ACOT13: variants seen among roughly 807,000 people sequenced by gnomAD.
ACOT13 encodes acyl-CoA thioesterase 13.
A neutral mutation model predicts 11.8 loss-of-function variants in ACOT13; 10 were observed. The observed-to-expected ratio is 0.85, with a 90% confidence interval of 0.53 to 1.44. The LOEUF is 1.44. ACOT13 is among the 40% of genes most tolerant of loss of function. The pLI is 0.00. For missense variants in ACOT13, 172 were observed against 174.1 expected, an observed-to-expected ratio of 0.99 and a Z score of 0.07; for synonymous variants, 53 against 61.0, an observed-to-expected ratio of 0.87 and a Z score of 0.61.
intron 1 of ACOT13, among the ~76,000 whole-genome samples, chr6:24,671,586 A>G (rs1177129424): frequency 1.3e-5 from 2 of 152,234 alleles, no homozygotes; most frequent in Non-Finnish European, 2.9e-5. Flanking sequence ...CGTTGTGCAC[A>G]TGTACCCTAG....
chr6:24,675,248 G>A (rs1292976545), intron 1 of ACOT13, among the ~76,000 whole-genome samples: 4 of 152,202 alleles, frequency 2.6e-5, no homozygotes, highest in Non-Finnish European at 4.4e-5. Context: ...TATATACCCA[G>A]TAATGGGATG....
intron 2 of ACOT13, among the ~76,000 whole-genome samples, chr6:24,698,347 A>G (rs1248832818): frequency 6.6e-6 from 1 of 152,102 alleles, no homozygotes; most frequent in Non-Finnish European, 1.5e-5. Context: ...TGCAGGGGGA[A>G]AAATCACAAA....
chr6:24,675,600 G>GT (rs536784962), intron 1 of ACOT13, among the ~76,000 whole-genome samples: 2,330 of 152,214 alleles, frequency 0.015, 30 homozygotes, highest in Middle Eastern at 0.044. Flanking sequence ...TTGTAAATTT[G>GT]TTTAAGTTCT....
chr6:24,691,642 G>A (rs771993982), intron 1 of ACOT13, among the ~76,000 whole-genome samples: 40 of 152,040 alleles, frequency 2.6e-4, no homozygotes, highest in Non-Finnish European at 4.1e-4. Flanking sequence ...TTTCAATAAA[G>A]ACCTGAGAAA....
At chr6:24,700,128 G>A (rs554054729) in intron 2 of ACOT13, among the ~76,000 whole-genome samples, 2 of 152,100 alleles carry the variant, frequency 1.3e-5, no homozygotes, top group Admixed American at 6.5e-5. Flanking sequence ...CTGTGACTTA[G>A]GTTAAAAACA....
intron 1 of ACOT13, among the ~76,000 whole-genome samples, chr6:24,674,257 C>T (rs1778408964): frequency 1.3e-5 from 2 of 152,294 alleles, no homozygotes; most frequent in South Asian, 2.1e-4. Context: ...CAGGGTTTCA[C>T]CATGTTGATC....
At chr6:24,695,725 ATTTAG>A (rs907364322) in intron 1 of ACOT13, among the ~76,000 whole-genome samples, 2 of 152,168 alleles carry the variant, frequency 1.3e-5, no homozygotes, top group African/African-American at 4.8e-5. Flanking sequence ...GGTGTGTATT[ATTTAG>A]TTTATGAGGA....
chr6:24,679,893 A>T (rs1778519077), intron 1 of ACOT13, among the ~76,000 whole-genome samples: 1 of 152,172 alleles, frequency 6.6e-6, no homozygotes, highest in South Asian at 2.1e-4. Context: ...AATTTGCTTT[A>T]AGTCTGAGAG....
chr6:24,693,432 A>G (rs1778746697), intron 1 of ACOT13, among the ~76,000 whole-genome samples: 1 of 152,324 alleles, frequency 6.6e-6, no homozygotes, highest in Non-Finnish European at 1.5e-5. Flanking sequence ...AGTTACAGTG[A>G]TGGCAGTGGC....
Position 24,698,157 on chromosome 6 carries a change from T to G in ACOT13, c.266+90T>G, listed in dbSNP as rs199826558. On this transcript the variant is annotated intron_variant, in intron 2 of 2. Transcript: ENST00000230048. ...ACACATTTATATTATTAGTAACGCA[T>G]GAGATTCAATTAGCTGCTTATCTCC... 68 of 1,140,704 alleles carry G rather than the reference T, an allele frequency of 6.0e-5. No homozygotes were observed. In the East Asian group the frequency reaches 1.4e-3, roughly 23 times the overall value. 70.7% of individuals were successfully genotyped at this position (1,140,704 alleles called of 1,614,324 possible).
rs1373451314 is a variant in ACOT13 at position 24,704,366 on chromosome 6, AACTT to A, written c.*2752_*2755del. 1.3e-5 allele frequency: 2 copies of A among 152,246 alleles called. No homozygotes were observed. Among genetic ancestry groups the A allele is most frequent in the Non-Finnish European group, 2.9e-5 (2 of 68,036 alleles). The allele number at this position is 152,246 out of a possible 1,614,324, so 9.4% of individuals were successfully genotyped here. A position where few individuals can be genotyped will look rare whatever the true frequency, so the allele number is the denominator to read the frequency against. Reference sequence around the variant, plus strand: ...GTAAACAATGGCTGCCAAAATGCCTAACTTGGTGAACATAAGTGTAATTCAATAT... The same window carrying A: ...GTAAACAATGGCTGCCAAAATGCCTAGGTGAACATAAGTGTAATTCAATAT... On this transcript the variant is annotated 3_prime_UTR_variant, in exon 3 of 3. Transcript: ENST00000230048.
intron 1 of ACOT13, among the ~76,000 whole-genome samples, chr6:24,685,332 CTTTTTTTT>C (rs563020332): frequency 8.6e-6 from 1 of 116,784 alleles, no homozygotes; most frequent in Non-Finnish European, 1.8e-5. Flanking sequence ...TTTTACTGTA[CTTTTTTTT>C]TTTTTTTTTT....
intron 2 of ACOT13, among the ~76,000 whole-genome samples, chr6:24,698,346 A>G (rs1191929298): frequency 1.5e-5 from 2 of 133,034 alleles, no homozygotes; most frequent in Non-Finnish European, 3.0e-5. Flanking sequence ...ATGCAGGGGG[A>G]AAAATCACAA....
chr6:24,689,464 TTAAAAA>T (rs1312067956), intron 1 of ACOT13, among the ~76,000 whole-genome samples: 6 of 151,958 alleles, frequency 3.9e-5, no homozygotes, highest in African/African-American at 7.3e-5. Context: ...TCTAAAAAAA[TTAAAAA>T]TAAATAAATT....
chr6:24,678,524 G>T (rs968340191), intron 1 of ACOT13, among the ~76,000 whole-genome samples: 3 of 152,184 alleles, frequency 2.0e-5, no homozygotes, highest in African/African-American at 7.2e-5. Flanking sequence ...GGTAGGGAAA[G>T]GAGGTAGAAT....
At chr6:24,688,917 G>A (rs1184702645) in intron 1 of ACOT13, among the ~76,000 whole-genome samples, 1 of 152,106 alleles carries the variant, frequency 6.6e-6, no homozygotes, top group Non-Finnish European at 1.5e-5. Flanking sequence ...ACTGTAATAG[G>A]TAAGTAGGCA....
At chr6:24,667,392 A>C in intron 1 of ACOT13, 48 bp downstream of exon 1, 2 of 1,562,728 alleles carry the variant, frequency 1.3e-6, no homozygotes, top group Non-Finnish European at 1.8e-6. Flanking sequence ...GAAGGAAAAG[A>C]AAGCACCGTG....
chr6:24,671,675 C>T (rs1778368876), intron 1 of ACOT13, among the ~76,000 whole-genome samples: 3 of 151,838 alleles, frequency 2.0e-5, no homozygotes, highest in Non-Finnish European at 2.9e-5. Flanking sequence ...CAAAAAACAA[C>T]AACAGCAACA....
At chr6:24,672,017 T>C (rs953400310) in intron 1 of ACOT13, among the ~76,000 whole-genome samples, 1 of 152,226 alleles carries the variant, frequency 6.6e-6, no homozygotes, top group Non-Finnish European at 1.5e-5. Context: ...AATTATGCCA[T>C]TTTTGGACTT....
Sources: gnomAD v4.1 joint callset for allele counts (sites outside exome capture counted in the v4.1 genomes callset) on GRCh38, gnomAD v4.1.1 for gene constraint, MANE v1.5 for transcripts, NCBI Gene and HGNC (gene_info 2026-07-23, HGNC 2026-07-21) for gene names.